Variants in RPS6KC1 observed in about 807,000 individuals in gnomAD.
RPS6KC1 encodes the protein inactive ribosomal protein S6 kinase delta-1.
Under a neutral mutation model 103.8 loss-of-function variants are expected in RPS6KC1, and 54 were observed. The ratio of observed to expected loss-of-function variants is 0.52; its 90% CI spans 0.42 to 0.65. The LOEUF (loss-of-function observed/expected upper bound fraction) is 0.65, where lower values mean the gene tolerates loss of function less well. Ranked by LOEUF, RPS6KC1 falls within the 30% of genes least tolerant of loss-of-function variation. The probability of loss-of-function intolerance (pLI) is 0.00; values close to 1 mark genes in which losing one functional copy is unlikely to be tolerated. For missense variants in RPS6KC1, 1,151 were observed against 1,253.8 expected (o/e 0.92, Z 1.24); for synonymous variants, 439 against 438.7 (o/e 1.00, Z -0.01).
At chr1:213,609,990 T>TGA in the RPS6KC1 span, among the ~76,000 whole-genome samples, 12 of 152,178 alleles carry the variant, frequency 7.9e-5, no homozygotes, top group African/African-American at 2.2e-4. Context: ...ATTTCTAAGT[T>TGA]GAGGAATATA....
the RPS6KC1 span, among the ~76,000 whole-genome samples, chr1:213,479,629 A>T: frequency 1.3e-5 from 2 of 150,538 alleles, no homozygotes; most frequent in Admixed American, 6.6e-5. Context: ...GATGTTAAAA[A>T]TATGAAACAA....
At chr1:213,744,913 A>G in the RPS6KC1 span, among the ~76,000 whole-genome samples, 1 of 152,224 alleles carries the variant, frequency 6.6e-6, no homozygotes, top group Non-Finnish European at 1.5e-5. Context: ...CTCTCTGCTG[A>G]CCCAGATAAG....
In RPS6KC1 at chr1:213,240,650, G is replaced by A. The variant is rs1208092570; in HGVS notation, c.1226-52G>A. Reference sequence around the variant, plus strand: ...TGTTTTTCTAATGGCTTAAATAACTGTCAATTTGGAGATCTTAATACTTTT... The same window carrying A: ...TGTTTTTCTAATGGCTTAAATAACTATCAATTTGGAGATCTTAATACTTTT... On this transcript the variant is annotated intron_variant, in intron 10 of 14. Transcript: ENST00000366960. The A allele has an allele frequency of 5.5e-6, 8 of 1,459,218 alleles. No homozygotes were observed. The African/African-American group carries it at 8.5e-5, about 16-fold the overall frequency. The allele number at this position is 1,459,218 out of a possible 1,614,324, so 90.4% of individuals were successfully genotyped here.
chr1:213,140,934 T>A (rs1192944053), intron 6 of RPS6KC1, among the ~76,000 whole-genome samples: 1 of 150,270 alleles, frequency 6.7e-6, no homozygotes, highest in Non-Finnish European at 1.5e-5. Flanking sequence ...GTTTCACTCA[T>A]TGCCCAGGTG....
intron 7 of RPS6KC1, among the ~76,000 whole-genome samples, chr1:213,172,161 T>C (rs1206749068): frequency 6.6e-6 from 1 of 152,126 alleles, no homozygotes; most frequent in African/African-American, 2.4e-5. Context: ...CATCAGGTGG[T>C]GCACATAAAA....
At chr1:213,724,669 G>T in the RPS6KC1 span, among the ~76,000 whole-genome samples, 1 of 152,150 alleles carries the variant, frequency 6.6e-6, no homozygotes, top group African/African-American at 2.4e-5. Context: ...GGACATGAAG[G>T]TGGGAAGATC....
the RPS6KC1 span, among the ~76,000 whole-genome samples, chr1:213,479,910 C>T: frequency 2.2e-4 from 33 of 151,986 alleles, no homozygotes; most frequent in African/African-American, 7.7e-4. Flanking sequence ...CTATTTTATA[C>T]AAAGGTACCC....
At chr1:213,506,441 G>A in the RPS6KC1 span, among the ~76,000 whole-genome samples, 1 of 152,210 alleles carries the variant, frequency 6.6e-6, no homozygotes, top group Non-Finnish European at 1.5e-5. Flanking sequence ...GTATCAGACT[G>A]TATTCTCAGA....
chr1:213,339,924 C>T, the RPS6KC1 span, among the ~76,000 whole-genome samples: 3,735 of 152,036 alleles, frequency 0.025, 131 homozygotes, highest in East Asian at 0.15. Flanking sequence ...CGGAGTCTTG[C>T]TCTGTCGCCT....
At chr1:213,653,672 G>C in the RPS6KC1 span, among the ~76,000 whole-genome samples, 1 of 152,110 alleles carries the variant, frequency 6.6e-6, no homozygotes, top group Non-Finnish European at 1.5e-5. Context: ...CTCTCCCCTA[G>C]ATTGTAAACT....
At chr1:213,062,849 G>A (rs1437826910) in intron 1 of RPS6KC1, among the ~76,000 whole-genome samples, 2 of 151,858 alleles carry the variant, frequency 1.3e-5, no homozygotes, top group African/African-American at 2.4e-5. Flanking sequence ...CATCGCATCC[G>A]GGCAAGAGAG....
At chr1:213,313,237 C>G in the RPS6KC1 span, among the ~76,000 whole-genome samples, 8 of 152,174 alleles carry the variant, frequency 5.3e-5, no homozygotes, top group African/African-American at 1.9e-4. Context: ...CTACACGATG[C>G]CTTCAGCCTT....
intron 8 of RPS6KC1, among the ~76,000 whole-genome samples, chr1:213,227,508 G>T (rs1434245205): frequency 6.6e-6 from 1 of 152,178 alleles, no homozygotes; most frequent in African/African-American, 2.4e-5. Flanking sequence ...AATCAAGATG[G>T]TGGCAAGACT....
intron 12 of RPS6KC1, among the ~76,000 whole-genome samples, chr1:213,261,304 G>A (rs2094789281): frequency 6.6e-6 from 1 of 151,904 alleles, no homozygotes; most frequent in Non-Finnish European, 1.5e-5. Flanking sequence ...TTTAAGTAAA[G>A]CATCTTGAAG....
At chr1:213,243,365 C>T (rs1209023795) in intron 12 of RPS6KC1, among the ~76,000 whole-genome samples, 1 of 152,016 alleles carries the variant, frequency 6.6e-6, no homozygotes, top group Non-Finnish European at 1.5e-5. Flanking sequence ...AGCAATCCTC[C>T]TGCCCCAGCC....
chr1:213,746,020 C>A, the RPS6KC1 span, among the ~76,000 whole-genome samples: 3 of 152,272 alleles, frequency 2.0e-5, no homozygotes, highest in Admixed American at 1.3e-4. Context: ...ATTCATTTAA[C>A]AAATACTGAG....
chr1:213,672,892 T>A, the RPS6KC1 span, among the ~76,000 whole-genome samples: 4 of 152,100 alleles, frequency 2.6e-5, no homozygotes, highest in South Asian at 2.1e-4. Flanking sequence ...CCATCTCAGG[T>A]TCCCATCAGG....
chr1:213,417,038 C>A, the RPS6KC1 span, among the ~76,000 whole-genome samples: 3 of 152,204 alleles, frequency 2.0e-5, no homozygotes, highest in Non-Finnish European at 2.9e-5. Flanking sequence ...TCTGTTCTGT[C>A]TGCCGGGAAC....
chr1:213,355,760 G>A, the RPS6KC1 span, among the ~76,000 whole-genome samples: 1 of 152,132 alleles, frequency 6.6e-6, no homozygotes, highest in African/African-American at 2.4e-5. Flanking sequence ...ACACCTCAGA[G>A]ATGTTTTCAA....
Sources: gnomAD v4.1 joint callset for allele counts (sites outside exome capture counted in the v4.1 genomes callset) on GRCh38, gnomAD v4.1.1 for gene constraint, MANE v1.5 for transcripts, NCBI Gene and HGNC (gene_info 2026-07-23, HGNC 2026-07-21) for gene names.